Variants in SMYD3 observed in about 807,000 individuals in gnomAD.
The protein encoded by SMYD3 is histone-lysine N-methyltransferase SMYD3.
A neutral mutation model predicts 57.7 loss-of-function variants in SMYD3; 36 were observed. That is an observed-to-expected ratio of 0.62 (90% CI 0.48 to 0.82). SMYD3 has a LOEUF of 0.82. SMYD3 is among the 40% of genes least tolerant of loss of function. The probability of loss-of-function intolerance (pLI) is 0.00; values close to 1 mark genes in which losing one functional copy is unlikely to be tolerated. For missense variants in SMYD3, 515 were observed against 538.8 expected (o/e 0.96, Z 0.44); for synonymous variants, 211 against 195.0 (o/e 1.08, Z -0.68).
At chr1:246,003,606 A>G (rs755653228) in intron 5 of SMYD3, among the ~76,000 whole-genome samples, 2 of 152,328 alleles carry the variant, frequency 1.3e-5, no homozygotes, top group East Asian at 1.9e-4. Context: ...AAAATTTTCA[A>G]TAAGAAATAC....
At chr1:245,765,035 T>C (rs1040552351) in intron 10 of SMYD3, among the ~76,000 whole-genome samples, 4 of 133,272 alleles carry the variant, frequency 3.0e-5, no homozygotes, top group African/African-American at 1.2e-4. Context: ...TTGTCTCTGG[T>C]GGAAATGCCT....
At chr1:246,059,639 AC>A (rs1488026871) in intron 5 of SMYD3, among the ~76,000 whole-genome samples, 1 of 151,978 alleles carries the variant, frequency 6.6e-6, no homozygotes, top group East Asian at 1.9e-4. Context: ...AAGAAAAAAA[AC>A]CATTCCTTTC....
At chr1:246,488,653 T>C (rs2068224232) in intron 1 of SMYD3, among the ~76,000 whole-genome samples, 1 of 152,164 alleles carries the variant, frequency 6.6e-6, no homozygotes, top group Admixed American at 6.5e-5. Flanking sequence ...ACCACTGCAC[T>C]CCAGCTTGGG....
chr1:246,151,516 T>G (rs937247952), intron 5 of SMYD3, among the ~76,000 whole-genome samples: 3 of 152,128 alleles, frequency 2.0e-5, no homozygotes, highest in African/African-American at 7.2e-5. Flanking sequence ...AACAAACCTA[T>G]GTTGAAAGAC....
intron 3 of SMYD3, among the ~76,000 whole-genome samples, chr1:246,333,811 C>CAG (rs1454265694): frequency 6.6e-6 from 1 of 152,040 alleles, no homozygotes; most frequent in African/African-American, 2.4e-5. Context: ...GCTTGAGCCC[C>CAG]AGAGGTTGAG....
chr1:245,896,899 G>GCC (rs2053850074), intron 8 of SMYD3, among the ~76,000 whole-genome samples: 1 of 148,718 alleles, frequency 6.7e-6, no homozygotes, highest in South Asian at 2.1e-4. Flanking sequence ...CACAGAAGGA[G>GCC]TGAAAAGAAC....
At chr1:246,347,391 A>G (rs2065740361) in intron 2 of SMYD3, among the ~76,000 whole-genome samples, 1 of 152,236 alleles carries the variant, frequency 6.6e-6, no homozygotes, top group Admixed American at 6.5e-5. Flanking sequence ...TCATTTTCAA[A>G]CTACAGAAAA....
chr1:246,227,351 C>T (rs938253285), intron 5 of SMYD3, among the ~76,000 whole-genome samples: 1 of 152,222 alleles, frequency 6.6e-6, no homozygotes. Flanking sequence ...TGCGGCGGCT[C>T]ACGCCTGTAA....
chr1:245,973,798 G>C (rs1206455298), intron 5 of SMYD3, among the ~76,000 whole-genome samples: 3 of 152,090 alleles, frequency 2.0e-5, no homozygotes, highest in African/African-American at 4.8e-5. Flanking sequence ...ACCTATATGA[G>C]TACTTTTTTG....
intron 5 of SMYD3, among the ~76,000 whole-genome samples, chr1:246,090,482 C>A (rs2060802109): frequency 6.7e-6 from 1 of 149,612 alleles, no homozygotes; most frequent in Non-Finnish European, 1.5e-5. Context: ...ACTCCTCTCT[C>A]TATAGAGAAA....
At chr1:245,909,117 G>T (rs2054786256) in intron 8 of SMYD3, among the ~76,000 whole-genome samples, 1 of 152,120 alleles carries the variant, frequency 6.6e-6, no homozygotes, top group African/African-American at 2.4e-5. Context: ...TGAGGAAAAA[G>T]GGGACATTAT....
At chr1:245,830,806 A>C (rs891028993) in intron 10 of SMYD3, among the ~76,000 whole-genome samples, 1 of 152,174 alleles carries the variant, frequency 6.6e-6, no homozygotes, top group African/African-American at 2.4e-5. Flanking sequence ...GGCAACACCT[A>C]TCTCTAAACC....
intron 1 of SMYD3, among the ~76,000 whole-genome samples, chr1:246,404,070 A>C (rs1450646989): frequency 1.3e-5 from 2 of 152,290 alleles, no homozygotes; most frequent in African/African-American, 4.8e-5. Flanking sequence ...AAAATAAATA[A>C]AGCCAGCCAG....
intron 5 of SMYD3, among the ~76,000 whole-genome samples, chr1:246,110,084 C>T (rs2061205796): frequency 6.6e-6 from 1 of 152,190 alleles, no homozygotes; most frequent in Non-Finnish European, 1.5e-5. Context: ...TGGCAATGTA[C>T]ACTTACACCA....
At chr1:246,046,810 C>G (rs1444077099) in intron 5 of SMYD3, among the ~76,000 whole-genome samples, 1 of 151,066 alleles carries the variant, frequency 6.6e-6, no homozygotes, top group Non-Finnish European at 1.5e-5. Flanking sequence ...TACTTAGATA[C>G]AAAGATGTAA....
chr1:246,023,694 C>A (rs1365283486), intron 5 of SMYD3, among the ~76,000 whole-genome samples: 5 of 152,202 alleles, frequency 3.3e-5, no homozygotes, highest in Non-Finnish European at 5.9e-5. Context: ...AAAAAGACGG[C>A]ACGTTCAGGG....
At chr1:246,173,357 C>T (rs556250568) in intron 5 of SMYD3, among the ~76,000 whole-genome samples, 20 of 152,380 alleles carry the variant, frequency 1.3e-4, no homozygotes, top group African/African-American at 3.6e-4. Context: ...ACTTTATCAA[C>T]GCTGTACACT....
At chr1:246,048,238 C>A (rs2060004488) in intron 5 of SMYD3, among the ~76,000 whole-genome samples, 1 of 152,188 alleles carries the variant, frequency 6.6e-6, no homozygotes, top group Non-Finnish European at 1.5e-5. Flanking sequence ...AAAAATATTT[C>A]ATTTCAAGCA....
chr1:245,966,555 A>C (rs1284002537), intron 5 of SMYD3, among the ~76,000 whole-genome samples: 1 of 152,204 alleles, frequency 6.6e-6, no homozygotes, highest in African/African-American at 2.4e-5. Context: ...TAAATCAACA[A>C]AAGTTCTCCA....
Sources: allele counts gnomAD v4.1 joint callset (sites outside exome capture counted in the v4.1 genomes callset), GRCh38; gene constraint gnomAD v4.1.1; transcripts MANE v1.5; gene names NCBI Gene and HGNC (gene_info 2026-07-23, HGNC 2026-07-21).